The following TMEM178B variants were observed in gnomAD, a reference collection of about 807,000 sequenced individuals.
The protein encoded by TMEM178B is transmembrane protein 178B.
TMEM178B carries 5 observed loss-of-function variants against 31.0 expected under a neutral mutation model. That is an observed-to-expected ratio of 0.16 (90% CI 0.08 to 0.34). The LOEUF is 0.34. Ranked by LOEUF, TMEM178B falls within the 10% of genes least tolerant of loss-of-function variation. The probability of loss-of-function intolerance (pLI) is 1.00; values close to 1 mark genes in which losing one functional copy is unlikely to be tolerated. For synonymous variants in TMEM178B, 164 were observed against 164.0 expected, an observed-to-expected ratio of 1.00 and a Z score of 0.00; for missense variants, 275 against 400.3, an observed-to-expected ratio of 0.69 and a Z score of 2.67.
rs1794750109 is a variant in TMEM178B, at chr7:141,084,773, A to C, written c.382+10081A>C. Among the ~76,000 whole-genome samples the C allele has an allele frequency of 5.9e-5, 9 of 152,322 alleles. No homozygotes were observed. The South Asian group carries it at 1.9e-3, about 32-fold the overall frequency. The stretch of plus-strand genomic sequence containing the variant: ...CATTGCTGCCCAAATTTTATAAATC[A>C]TATCATATCAGAGATCGTATATTCA... On this transcript the variant is annotated intron_variant, in intron 1 of 3. Transcript: ENST00000565468.
In TMEM178B at chr7:141,344,881, T is replaced by TA. The variant is rs1267579208; in HGVS notation, c.497-92727_497-92726insA. On this transcript the variant is annotated intron_variant, in intron 2 of 3. Transcript: ENST00000565468. The surrounding 1 kb of genome is among the most constrained non-coding windows in gnomAD (Gnocchi z 4.1). ...CTGTGGGAGTAAACCCTCCAGGACT[T>TA]GGTGGTCTTGGTTGTAAAGTGACAG... is the stretch of plus-strand genomic sequence containing the variant. 1.3e-5 allele frequency among the ~76,000 whole-genome samples: 2 copies of TA among 152,186 alleles called. No individual in the cohort carries two copies. The highest frequency in any genetic ancestry group is 2.9e-5 in the Non-Finnish European group (2 of 68,046).
At chr7:141,429,014 C>G (rs1376743957) in intron 2 of TMEM178B, among the ~76,000 whole-genome samples, 1 of 151,844 alleles carries the variant, frequency 6.6e-6, no homozygotes, top group Non-Finnish European at 1.5e-5. Flanking sequence ...ATAACAAAGA[C>G]AAAGGATAAC....
the TMEM178B span, among the ~76,000 whole-genome samples, chr7:141,501,414 C>G: frequency 3.4e-3 from 513 of 151,756 alleles, 6 homozygotes; most frequent in African/African-American, 0.012. Context: ...ATAGTCTTCT[C>G]CTTATCTACA....
chr7:141,332,412 C>T (rs1011612714), intron 2 of TMEM178B, among the ~76,000 whole-genome samples: 3 of 152,158 alleles, frequency 2.0e-5, no homozygotes, highest in Non-Finnish European at 2.9e-5. Context: ...AAACATGCTC[C>T]GTTGAAGAAT....
chr7:141,251,079 A>G (rs876422), intron 2 of TMEM178B, among the ~76,000 whole-genome samples: 66,370 of 151,616 alleles, frequency 0.44, 14,775 homozygotes, highest in East Asian at 0.67. Context: ...ATCTTTTTTA[A>G]GCATCTTCTG....
At chr7:141,147,378 C>T (rs1795870675) in intron 1 of TMEM178B, among the ~76,000 whole-genome samples, 1 of 151,930 alleles carries the variant, frequency 6.6e-6, no homozygotes, top group African/African-American at 2.4e-5. Flanking sequence ...CAAGGAGAGC[C>T]TTGTAAGCCG....
chr7:141,451,688 C>A lies in TMEM178B; in HGVS notation c.634+13943C>A, dbSNP rs148565637. 6.4e-4 allele frequency among the ~76,000 whole-genome samples: 98 copies of A among 152,240 alleles called. 1 individual carries two copies. Among genetic ancestry groups the A allele is most frequent in the African/African-American group, 2.2e-3 (91 of 41,540 alleles). ...CAAGAAAGAGGAAGCTGGTTCTGTTCATAAAATATTTCTTAGAGAAATAGG... is the reference window on the plus strand; with the variant it reads ...CAAGAAAGAGGAAGCTGGTTCTGTTAATAAAATATTTCTTAGAGAAATAGG... On this transcript the variant is annotated intron_variant, in intron 3 of 3. Transcript: ENST00000565468.
chr7:141,205,034 C>T (rs1419506354), intron 1 of TMEM178B, among the ~76,000 whole-genome samples: 1 of 152,150 alleles, frequency 6.6e-6, no homozygotes, highest in African/African-American at 2.4e-5. Flanking sequence ...CTCTATTGCC[C>T]AGGTTCGTCT....
chr7:141,296,237 T>G (rs1323141324), intron 2 of TMEM178B, among the ~76,000 whole-genome samples: 1 of 152,078 alleles, frequency 6.6e-6, no homozygotes, highest in Non-Finnish European at 1.5e-5. Flanking sequence ...TCGTCTAATT[T>G]TTGTATTTTT....
At chr7:141,448,837 T>C (rs1397473295) in intron 3 of TMEM178B, among the ~76,000 whole-genome samples, 1 of 152,146 alleles carries the variant, frequency 6.6e-6, no homozygotes, top group African/African-American at 2.4e-5. Flanking sequence ...AGACCCTGTC[T>C]TCTCTGGGGT....
chr7:141,296,778 G>A (rs941132661), intron 2 of TMEM178B, among the ~76,000 whole-genome samples: 16 of 152,174 alleles, frequency 1.1e-4, no homozygotes, highest in Non-Finnish European at 2.1e-4. Context: ...CTGTTTAGGC[G>A]TGTTTTCTCT....
chr7:141,291,314 C>T (rs542032869), intron 2 of TMEM178B, among the ~76,000 whole-genome samples: 28 of 152,164 alleles, frequency 1.8e-4, no homozygotes, highest in Non-Finnish European at 2.9e-4. Context: ...CTGACATCAC[C>T]GTGTATCAGA....
At chr7:141,309,791 T>C (rs1384289841) in intron 2 of TMEM178B, among the ~76,000 whole-genome samples, 1 of 152,208 alleles carries the variant, frequency 6.6e-6, no homozygotes, top group Non-Finnish European at 1.5e-5. Flanking sequence ...GCATCATGCC[T>C]TTAGGATTGG....
chr7:141,433,435 C>T (rs1472916377), intron 2 of TMEM178B, among the ~76,000 whole-genome samples: 1 of 152,180 alleles, frequency 6.6e-6, no homozygotes. Context: ...CTCTTTAGGA[C>T]AGCATCCGTC....
At chr7:141,128,541 G>GA (rs890681215) in intron 1 of TMEM178B, among the ~76,000 whole-genome samples, 44 of 141,818 alleles carry the variant, frequency 3.1e-4, no homozygotes, top group Non-Finnish European at 5.1e-4. Flanking sequence ...TTGGATCCTT[G>GA]AAAAAAAAAA....
intron 2 of TMEM178B, among the ~76,000 whole-genome samples, chr7:141,237,190 A>G (rs1314403122): frequency 6.6e-6 from 1 of 152,248 alleles, no homozygotes. Flanking sequence ...ACTTGAAATC[A>G]GTTTGGCAAT....
intron 2 of TMEM178B, among the ~76,000 whole-genome samples, chr7:141,288,853 G>T (rs1322501723): frequency 6.6e-6 from 1 of 152,188 alleles, no homozygotes; most frequent in African/African-American, 2.4e-5. Context: ...TTCTTACCTT[G>T]CTGCTGACCT....
At chr7:141,400,340 A>G (rs1416884326) in intron 2 of TMEM178B, among the ~76,000 whole-genome samples, 1 of 152,176 alleles carries the variant, frequency 6.6e-6, no homozygotes, top group East Asian at 1.9e-4. Context: ...CCTTCCTTGA[A>G]CTTCAAGATG....
At chr7:141,302,345 A>C (rs1798742778) in intron 2 of TMEM178B, among the ~76,000 whole-genome samples, 1 of 152,242 alleles carries the variant, frequency 6.6e-6, no homozygotes, top group African/African-American at 2.4e-5. Flanking sequence ...CAAAAGGACA[A>C]ATATTGTATG....
Sources: gnomAD v4.1 joint callset for allele counts (sites outside exome capture counted in the v4.1 genomes callset) on GRCh38, gnomAD v4.1.1 for gene constraint, Gnocchi (gnomAD v3.1) non-coding constraint, MANE v1.5 for transcripts, NCBI Gene and HGNC (gene_info 2026-07-23, HGNC 2026-07-21) for gene names.